SEMA3A: variants seen among roughly 807,000 people sequenced by gnomAD.
SEMA3A encodes the protein semaphorin-3A.
In SEMA3A, 29 loss-of-function variants were observed where a neutral mutation model predicts 97.9. The observed-to-expected ratio is 0.30, with a 90% confidence interval of 0.22 to 0.40. The LOEUF (loss-of-function observed/expected upper bound fraction) is 0.40, where lower values mean the gene tolerates loss of function less well. Among genes scored for constraint, SEMA3A ranks in the 10% least tolerant of loss-of-function variants. The probability of loss-of-function intolerance (pLI) is 1.00; values close to 1 mark genes in which losing one functional copy is unlikely to be tolerated. For synonymous variants in SEMA3A, 321 were observed against 323.7 expected, an observed-to-expected ratio of 0.99 and a Z score of 0.09; for missense variants, 763 against 951.3, an observed-to-expected ratio of 0.80 and a Z score of 2.60.
At chr7:84,159,573 T>C (rs1796962772) in intron 1 of SEMA3A, among the ~76,000 whole-genome samples, 1 of 152,150 alleles carries the variant, frequency 6.6e-6, no homozygotes, top group African/African-American at 2.4e-5. Flanking sequence ...CCAAGAGAGC[T>C]AACATAGTAA....
chr7:84,282,701 AC>A (rs1800471293), intron 3 of SEMA3A, among the ~76,000 whole-genome samples: 1 of 152,066 alleles, frequency 6.6e-6, no homozygotes, highest in Admixed American at 6.6e-5. Flanking sequence ...CCAAAACTAA[AC>A]AAAAACTTCC....
intron 2 of SEMA3A, among the ~76,000 whole-genome samples, chr7:84,369,485 T>C (rs1562922624): frequency 1.3e-5 from 2 of 151,212 alleles, no homozygotes; most frequent in African/African-American, 4.8e-5. Context: ...AGAGTTGCCA[T>C]GAAGTGACAG....
In SEMA3A at chr7:84,283,420, T is replaced by C. The variant is rs530335282; in HGVS notation, c.-83+23787A>G. ...CAACTATTACTGTTAATGTTACACA[T>C]CATTAGGCTTAAAATCCAAGAAAAA... On this transcript the variant is annotated intron_variant, in intron 3 of 3. Transcript: ENST00000424555. Among the ~76,000 whole-genome samples, 6 of 152,274 alleles carry C rather than the reference T, an allele frequency of 3.9e-5. No individual in the cohort carries two copies. In the South Asian group the frequency reaches 1.2e-3, roughly 32 times the overall value.
At chr7:84,148,958 G>A (rs1796546344) in intron 1 of SEMA3A, among the ~76,000 whole-genome samples, 1 of 152,116 alleles carries the variant, frequency 6.6e-6, no homozygotes, top group Non-Finnish European at 1.5e-5. Context: ...TAAGGTTTCT[G>A]GTCAACAGAA....
intron 1 of SEMA3A, among the ~76,000 whole-genome samples, chr7:84,401,483 C>T (rs1413764274): frequency 2.3e-5 from 3 of 130,492 alleles, no homozygotes; most frequent in Non-Finnish European, 4.7e-5. Flanking sequence ...ATCTTGTTCA[C>T]AGAAATAGAA....
At chr7:84,308,495 T>C (rs964794658) in intron 2 of SEMA3A, among the ~76,000 whole-genome samples, 1 of 152,142 alleles carries the variant, frequency 6.6e-6, no homozygotes, top group East Asian at 1.9e-4. Context: ...GTCAATCAAC[T>C]GAGAAACTAG....
rs17159066 is a variant in SEMA3A, at chr7:84,469,499, G to A, written c.-246+22961C>T. Among the ~76,000 whole-genome samples, 2,057 of 152,230 alleles carry A rather than the reference G, an allele frequency of 0.014. 95 individuals are homozygous for A. In the East Asian group the frequency reaches 0.16, roughly 12 times the overall value. On this transcript the variant is annotated intron_variant, in intron 1 of 3. Transcript: ENST00000424555. The stretch of plus-strand genomic sequence containing the variant: ...GGATTTAAAGTTTAGAGAAAGCTTT[G>A]CATCTGATACAAAATAATAAAGTGC...
intron 2 of SEMA3A, among the ~76,000 whole-genome samples, chr7:84,134,502 G>C (rs935567936): frequency 6.6e-6 from 1 of 152,132 alleles, no homozygotes; most frequent in Non-Finnish European, 1.5e-5. Context: ...ATGATGTATT[G>C]CTACGATGGT....
intron 12 of SEMA3A, among the ~76,000 whole-genome samples, chr7:83,992,291 T>G (rs1393679378): frequency 1.1e-4 from 16 of 148,314 alleles, no homozygotes; most frequent in African/African-American, 3.1e-4. Flanking sequence ...ATTCATTTTT[T>G]GAAGGGTTTT....
intron 1 of SEMA3A, among the ~76,000 whole-genome samples, chr7:84,428,205 C>T (rs1804877919): frequency 1.3e-5 from 2 of 151,970 alleles, no homozygotes; most frequent in African/African-American, 4.8e-5. Context: ...AATAAAGCAA[C>T]TTATTTTGCA....
At chr7:84,429,487 A>G (rs1804911350) in intron 1 of SEMA3A, among the ~76,000 whole-genome samples, 1 of 126,758 alleles carries the variant, frequency 7.9e-6, no homozygotes. Flanking sequence ...TTAAATATTG[A>G]CTTTTGCATT....
At chr7:84,237,560 C>T (rs1799264121) in intron 3 of SEMA3A, among the ~76,000 whole-genome samples, 1 of 152,088 alleles carries the variant, frequency 6.6e-6, no homozygotes, top group Non-Finnish European at 1.5e-5. Context: ...AAGTGGTTTA[C>T]ATTATCATCT....
chr7:84,166,898 A>T (rs2116188384), intron 1 of SEMA3A, among the ~76,000 whole-genome samples: 1 of 151,486 alleles, frequency 6.6e-6, no homozygotes, highest in South Asian at 2.1e-4. Context: ...AAAAAAAAAA[A>T]AAAAGAAGCT....
chr7:84,423,529 C>G (rs973770131), intron 1 of SEMA3A, among the ~76,000 whole-genome samples: 2 of 152,064 alleles, frequency 1.3e-5, no homozygotes, highest in African/African-American at 4.8e-5. Flanking sequence ...CCTTCCCAGA[C>G]ACTTCCTATT....
At chr7:84,262,847 G>T (rs1294414782) in intron 3 of SEMA3A, among the ~76,000 whole-genome samples, 1 of 152,158 alleles carries the variant, frequency 6.6e-6, no homozygotes, top group African/African-American at 2.4e-5. Flanking sequence ...ATTTCAGGAA[G>T]AGTAGACTAA....
rs1484423716 is a variant in SEMA3A at position 84,008,506 on chromosome 7, AAAG to A, written c.996-1012_996-1010del. On this transcript the variant is annotated intron_variant, in intron 9 of 16. Coordinates refer to ENST00000265362, the MANE Select transcript of SEMA3A (RefSeq NM_006080.3). ...ACTCCGTCTCAAAAAAAAAAAAAAA[AAAG>A]AAAGAAAAAGAAATTCCATTTTATT... Among the ~76,000 whole-genome samples the A allele has an allele frequency of 4.1e-5, 4 of 97,342 alleles. No homozygotes were observed. In the East Asian group the frequency reaches 1.0e-3, roughly 24 times the overall value. The allele number at this position is 97,342 out of a possible 152,430, so 63.9% of individuals were successfully genotyped here.
intron 12 of SEMA3A, among the ~76,000 whole-genome samples, chr7:83,994,862 C>T (rs1448878729): frequency 6.6e-6 from 1 of 152,120 alleles, no homozygotes; most frequent in African/African-American, 2.4e-5. Flanking sequence ...AACTTCCCGG[C>T]TGCTTTGTTT....
At chr7:84,347,592 A>G (rs949184167) in intron 2 of SEMA3A, among the ~76,000 whole-genome samples, 7 of 151,988 alleles carry the variant, frequency 4.6e-5, no homozygotes, top group African/African-American at 1.7e-4. Flanking sequence ...TTGTATTTTT[A>G]GTAGAGATGG....
intron 4 of SEMA3A, among the ~76,000 whole-genome samples, chr7:84,067,260 C>T (rs1388864001): frequency 6.6e-6 from 1 of 151,968 alleles, no homozygotes; most frequent in Admixed American, 6.6e-5. Flanking sequence ...ACACCTTATA[C>T]AAAAATCAAT....
Sources: allele counts gnomAD v4.1 joint callset (sites outside exome capture counted in the v4.1 genomes callset), GRCh38; gene constraint gnomAD v4.1.1; transcripts MANE v1.5; gene names NCBI Gene and HGNC (gene_info 2026-07-23, HGNC 2026-07-21).